The following SPMAP2L variants were observed in gnomAD, a reference collection of about 807,000 sequenced individuals.
The protein encoded by SPMAP2L is sperm microtubule associated protein 2 like.
the SPMAP2L span, among the ~76,000 whole-genome samples, chr4:56,569,426 T>C: frequency 6.6e-6 from 1 of 152,262 alleles, no homozygotes; most frequent in African/African-American, 2.4e-5. Context: ...TTCATTTGTT[T>C]GTTGGCATTT....
At chr4:56,535,893 G>A in the SPMAP2L span, among the ~76,000 whole-genome samples, 13 of 152,164 alleles carry the variant, frequency 8.5e-5, no homozygotes, top group Non-Finnish European at 1.6e-4. Context: ...GACGGGTTTC[G>A]TGGAAGACAG....
chr4:56,618,024 G>T, the SPMAP2L span, among the ~76,000 whole-genome samples: 1 of 152,176 alleles, frequency 6.6e-6, no homozygotes, highest in Non-Finnish European at 1.5e-5. Context: ...AGCCGCTTGT[G>T]TCTCTGCCTT....
the SPMAP2L span, among the ~76,000 whole-genome samples, chr4:56,607,024 G>A: frequency 6.6e-6 from 1 of 152,140 alleles, no homozygotes; most frequent in Non-Finnish European, 1.5e-5. Flanking sequence ...GTTATATATG[G>A]GGAGTGGGAG....
the SPMAP2L span, chr4:56,593,523 C>T: frequency 6.3e-7 from 1 of 1,598,982 alleles, no homozygotes. Context: ...GGAGCCTGGC[C>T]TGCTGTGTGT....
the SPMAP2L span, among the ~76,000 whole-genome samples, chr4:56,570,007 C>G: frequency 6.6e-6 from 1 of 152,100 alleles, no homozygotes. Context: ...ATACTGTGAT[C>G]CTACTTTTAT....
chr4:56,558,053 C>T, the SPMAP2L span, among the ~76,000 whole-genome samples: 11 of 152,024 alleles, frequency 7.2e-5, no homozygotes, highest in Admixed American at 7.2e-4. Context: ...ACTGCAATCT[C>T]CACCTCCCAG....
the SPMAP2L span, among the ~76,000 whole-genome samples, chr4:56,598,875 G>T: frequency 6.6e-6 from 1 of 152,120 alleles, no homozygotes; most frequent in Non-Finnish European, 1.5e-5. Flanking sequence ...ACTCATGGGG[G>T]TGGTTTCCCC....
the SPMAP2L span, among the ~76,000 whole-genome samples, chr4:56,540,167 T>C: frequency 6.6e-6 from 1 of 152,240 alleles, no homozygotes; most frequent in African/African-American, 2.4e-5. Context: ...AAGTAAGTAC[T>C]ATTTGCATCC....
At chr4:56,546,096 AT>A in the SPMAP2L span, among the ~76,000 whole-genome samples, 1 of 152,046 alleles carries the variant, frequency 6.6e-6, no homozygotes, top group Middle Eastern at 3.4e-3. Flanking sequence ...GCCCAGCCAC[AT>A]TTTTTTTAAT....
At chr4:56,581,389 A>G in the SPMAP2L span, among the ~76,000 whole-genome samples, 1 of 152,104 alleles carries the variant, frequency 6.6e-6, no homozygotes, top group Non-Finnish European at 1.5e-5. Flanking sequence ...TGGGAGGCAG[A>G]GGTTACAGTG....
chr4:56,612,226 T>G, the SPMAP2L span, among the ~76,000 whole-genome samples: 1 of 152,212 alleles, frequency 6.6e-6, no homozygotes, highest in Non-Finnish European at 1.5e-5. Context: ...AAGGCACTTT[T>G]GCCTTCCTGG....
the SPMAP2L span, chr4:56,530,734 G>A: frequency 6.5e-7 from 1 of 1,535,374 alleles, no homozygotes; most frequent in African/African-American, 1.4e-5. Flanking sequence ...CGATGGGCAG[G>A]TCTCAACAGA....
At chr4:56,575,728 T>C in the SPMAP2L span, 13 of 1,318,320 alleles carry the variant, frequency 9.9e-6, no homozygotes, top group Non-Finnish European at 7.2e-6. Flanking sequence ...GTGTGTGCAA[T>C]TTCATGAGCT....
chr4:56,607,587 A>G, the SPMAP2L span, among the ~76,000 whole-genome samples: 2 of 152,178 alleles, frequency 1.3e-5, no homozygotes, highest in African/African-American at 2.4e-5. Flanking sequence ...GTTGCCATGA[A>G]TGGAGCATTA....
chr4:56,621,530 C>A, the SPMAP2L span, among the ~76,000 whole-genome samples: 786 of 152,262 alleles, frequency 5.2e-3, 2 homozygotes, highest in Non-Finnish European at 8.1e-3. Context: ...TAAGGTAATT[C>A]ATCCTTAGAC....
the SPMAP2L span, among the ~76,000 whole-genome samples, chr4:56,616,374 C>G: frequency 1.3e-5 from 2 of 152,166 alleles, no homozygotes; most frequent in Admixed American, 1.3e-4. Context: ...TCTCCAAATG[C>G]AGTCACGTTC....
At chr4:56,541,013 C>A in the SPMAP2L span, among the ~76,000 whole-genome samples, 7 of 152,196 alleles carry the variant, frequency 4.6e-5, no homozygotes, top group African/African-American at 1.7e-4. Flanking sequence ...GCGAAGAGCA[C>A]TGGACTAGGA....
chr4:56,621,805 T>C, the SPMAP2L span, among the ~76,000 whole-genome samples: 1 of 152,102 alleles, frequency 6.6e-6, no homozygotes, highest in Non-Finnish European at 1.5e-5. Flanking sequence ...TAAAAGCAAA[T>C]TGGAGTGGCT....
At chr4:56,566,695 C>CTT in the SPMAP2L span, among the ~76,000 whole-genome samples, 1,712 of 92,330 alleles carry the variant, frequency 0.019, 59 homozygotes, top group Non-Finnish European at 0.026. Flanking sequence ...TTTTCTTTTT[C>CTT]TTTTTTTTTT....
Sources: allele counts gnomAD v4.1 joint callset (sites outside exome capture counted in the v4.1 genomes callset), GRCh38; gene constraint gnomAD v4.1.1; transcripts MANE v1.5; gene names NCBI Gene and HGNC (gene_info 2026-07-23, HGNC 2026-07-21).